LRMDA: variants seen among roughly 807,000 people sequenced by gnomAD.
LRMDA encodes leucine rich melanocyte differentiation associated.
Under a neutral mutation model 29.8 loss-of-function variants are expected in LRMDA, and 18 were observed. The observed-to-expected ratio is 0.60, with a 90% CI of 0.42 to 0.90. The LOEUF is 0.90. Among genes scored for constraint, LRMDA ranks in the 40% least tolerant of loss-of-function variants. The pLI, the probability that LRMDA is intolerant of heterozygous loss-of-function variation, is 0.00. For missense variants in LRMDA, 273 were observed against 273.9 expected, an observed-to-expected ratio of 1.00 and a Z score of 0.02; for synonymous variants, 125 against 109.4, an observed-to-expected ratio of 1.14 and a Z score of -0.89.
chr10:75,901,369 A>C (rs1164144652), intron 2 of LRMDA, among the ~76,000 whole-genome samples: 1 of 152,146 alleles, frequency 6.6e-6, no homozygotes, highest in Non-Finnish European at 1.5e-5. Flanking sequence ...CACTTTGAAC[A>C]ATCCATCCTG....
chr10:76,303,924 C>A (rs538255960), intron 5 of LRMDA, among the ~76,000 whole-genome samples: 1 of 152,010 alleles, frequency 6.6e-6, no homozygotes, highest in African/African-American at 2.4e-5. Flanking sequence ...CACTACAGCA[C>A]CCCCTTCTGC....
intron 5 of LRMDA, among the ~76,000 whole-genome samples, chr10:76,115,316 C>T (rs556514963): frequency 1.3e-5 from 2 of 152,320 alleles, no homozygotes; most frequent in Non-Finnish European, 2.9e-5. Flanking sequence ...CACAGATGTG[C>T]GATTCCCTGC....
intron 2 of LRMDA, among the ~76,000 whole-genome samples, chr10:75,729,789 T>G (rs1842673322): frequency 6.6e-6 from 1 of 152,172 alleles, no homozygotes; most frequent in South Asian, 2.1e-4. Context: ...GTTTTGTTGT[T>G]GTTTTTGTTG....
chr10:76,332,048 G>A (rs999903921), intron 6 of LRMDA, among the ~76,000 whole-genome samples: 5 of 152,260 alleles, frequency 3.3e-5, no homozygotes, highest in East Asian at 1.9e-4. Context: ...TAAAAACTCC[G>A]GTCTGGGTCA....
intron 6 of LRMDA, among the ~76,000 whole-genome samples, chr10:76,400,246 G>A (rs1841834544): frequency 6.6e-6 from 1 of 152,146 alleles, no homozygotes; most frequent in African/African-American, 2.4e-5. Context: ...ACTGAATCCT[G>A]TCAACAATCT....
chr10:76,337,445 C>T (rs1463310760), intron 6 of LRMDA, among the ~76,000 whole-genome samples: 4 of 151,948 alleles, frequency 2.6e-5, no homozygotes, highest in East Asian at 3.9e-4. Context: ...GGAGTAAAGA[C>T]CTGGGGAGGT....
chr10:75,552,118 T>C (rs1840158243), intron 2 of LRMDA, among the ~76,000 whole-genome samples: 1 of 152,300 alleles, frequency 6.6e-6, no homozygotes, highest in East Asian at 1.9e-4. Context: ...CACATTTTAA[T>C]CATTTCTAGA....
chr10:76,503,235 G>T (rs2637238), intron 6 of LRMDA, among the ~76,000 whole-genome samples: 100,949 of 151,750 alleles, frequency 0.67, 35,678 homozygotes, highest in Non-Finnish European at 0.81. Context: ...TCACATCACA[G>T]GAATAAAGCC....
At chr10:75,708,794 C>G (rs1842401519) in intron 2 of LRMDA, among the ~76,000 whole-genome samples, 1 of 152,194 alleles carries the variant, frequency 6.6e-6, no homozygotes, top group South Asian at 2.1e-4. Context: ...GTCAAAACAC[C>G]CCACCCAGTT....
chr10:76,434,825 G>C (rs532976555), intron 6 of LRMDA, among the ~76,000 whole-genome samples: 1 of 152,186 alleles, frequency 6.6e-6, no homozygotes, highest in Non-Finnish European at 1.5e-5. Flanking sequence ...ATACCTACCT[G>C]TACACGCACA....
chr10:76,093,461 T>G (rs1451677823), intron 5 of LRMDA, among the ~76,000 whole-genome samples: 2 of 152,194 alleles, frequency 1.3e-5, no homozygotes, highest in East Asian at 1.9e-4. Context: ...TCTTCACCAT[T>G]AGCTCCTTCT....
In LRMDA at chr10:75,436,760, C is replaced by T. The variant is rs188561553; in HGVS notation, c.31-1634C>T. 3.5e-4 allele frequency among the ~76,000 whole-genome samples: 54 copies of T among 152,188 alleles called. No homozygotes were observed. The East Asian group carries it at 0.01, about 29-fold the overall frequency. Reference sequence around the variant, plus strand: ...CTGGGACTACAGGCATGAGCCACCGCGCCTGGCCAAGAAGCTGCTGACTGA... The same window carrying T: ...CTGGGACTACAGGCATGAGCCACCGTGCCTGGCCAAGAAGCTGCTGACTGA... On this transcript the variant is annotated intron_variant, in intron 1 of 6. Transcript: ENST00000611255.
chr10:75,936,701 A>G (rs989199394), intron 2 of LRMDA, among the ~76,000 whole-genome samples: 1 of 152,166 alleles, frequency 6.6e-6, no homozygotes, highest in Non-Finnish European at 1.5e-5. Flanking sequence ...CAGCGACGTC[A>G]TATTGTGTCT....
At chr10:76,185,187 A>AT (rs1851125469) in intron 5 of LRMDA, among the ~76,000 whole-genome samples, 1 of 152,188 alleles carries the variant, frequency 6.6e-6, no homozygotes, top group Admixed American at 6.5e-5. Flanking sequence ...GGATGAGGGG[A>AT]TGTTTGCAAC....
At chr10:75,434,846 A>G (rs1844246904) in intron 1 of LRMDA, among the ~76,000 whole-genome samples, 1 of 152,216 alleles carries the variant, frequency 6.6e-6, no homozygotes, top group South Asian at 2.1e-4. Flanking sequence ...TGACAAACTC[A>G]TCATCTCCAG....
At chr10:75,848,655 C>G (rs1844681297) in intron 2 of LRMDA, among the ~76,000 whole-genome samples, 1 of 152,076 alleles carries the variant, frequency 6.6e-6, no homozygotes, top group Non-Finnish European at 1.5e-5. Context: ...CTTCACAATA[C>G]CCCAGATGCA....
rs564426701 is a variant in LRMDA, at chr10:75,494,955, A to G, written c.131+56461A>G. On this transcript the variant is annotated intron_variant, in intron 2 of 6. Transcript: ENST00000611255. ...CTAGAAGTCCAGCCATCATGTCCAC[A>G]TTCCAGGCTGGCAGCAGGAAGAAAG... Among the ~76,000 whole-genome samples, 7 of 152,302 alleles carry G rather than the reference A, an allele frequency of 4.6e-5. No individual in the cohort carries two copies. The South Asian group carries it at 8.3e-4, about 18-fold the overall frequency.
At chr10:75,712,593 G>C (rs1262114166) in intron 2 of LRMDA, among the ~76,000 whole-genome samples, 3 of 152,122 alleles carry the variant, frequency 2.0e-5, no homozygotes, top group African/African-American at 7.2e-5. Context: ...GGGCAGAGGG[G>C]GAATTTAACA....
At chr10:76,000,371 C>T (rs141971931) in intron 2 of LRMDA, among the ~76,000 whole-genome samples, 1 of 152,236 alleles carries the variant, frequency 6.6e-6, no homozygotes, top group Non-Finnish European at 1.5e-5. Context: ...AGCCTCCCTC[C>T]CGGTGGAGGT....
Sources: allele counts gnomAD v4.1 joint callset (sites outside exome capture counted in the v4.1 genomes callset), GRCh38; gene constraint gnomAD v4.1.1; transcripts MANE v1.5; gene names NCBI Gene and HGNC (gene_info 2026-07-23, HGNC 2026-07-21).